Variants in CLEC16A observed in about 807,000 individuals in gnomAD.
The protein encoded by CLEC16A is protein CLEC16A.
Under a neutral mutation model 109.5 loss-of-function variants are expected in CLEC16A, and 51 were observed. The ratio of observed to expected loss-of-function variants is 0.47; its 90% CI spans 0.37 to 0.59. The LOEUF is 0.59. Among genes scored for constraint, CLEC16A ranks in the 20% least tolerant of loss-of-function variants. The pLI is 0.00. For synonymous variants in CLEC16A, 673 were observed against 564.2 expected (o/e 1.19, Z -2.73); for missense variants, 1,339 against 1,394.0 (o/e 0.96, Z 0.63).
intron 22 of CLEC16A, among the ~76,000 whole-genome samples, chr16:11,147,307 G>T (rs1325340588): frequency 6.6e-6 from 1 of 152,296 alleles, no homozygotes; most frequent in Middle Eastern, 3.4e-3. Flanking sequence ...ATGCCCTGCC[G>T]TGGCCCTGAC....
chr16:11,018,389 G>A lies in CLEC16A; in HGVS notation c.1304-1804G>A, dbSNP rs977989138. ...TGAATGATGCACCCCAGTCACACCT[G>A]GCTAGGAGAGACCTGGTGTGAGAGC... On this transcript the variant is annotated intron_variant, in intron 11 of 23. Transcript: ENST00000409790. Among the ~76,000 whole-genome samples, 4 of 152,150 alleles carry A rather than the reference G, an allele frequency of 2.6e-5. No homozygotes were observed. In the South Asian group the frequency reaches 8.3e-4, roughly 32 times the overall value.
At chr16:11,058,948 A>T (rs1336392930) in intron 18 of CLEC16A, among the ~76,000 whole-genome samples, 1 of 152,154 alleles carries the variant, frequency 6.6e-6, no homozygotes, top group Non-Finnish European at 1.5e-5. Context: ...TTGAGAGCTC[A>T]AGCTGCCAAA....
intron 19 of CLEC16A, among the ~76,000 whole-genome samples, chr16:11,113,322 A>G (rs2051729138): frequency 6.6e-6 from 1 of 152,222 alleles, no homozygotes; most frequent in Non-Finnish European, 1.5e-5. Flanking sequence ...TTATTTCTTT[A>G]TTCAATTTTA....
chr16:11,178,406 G>A lies in CLEC16A; in HGVS notation c.2878G>A (p.Ala960Thr), dbSNP rs778101745. 3.1e-6 allele frequency: 5 copies of A among 1,613,722 alleles called. No individual in the cohort carries two copies. In the African/African-American group the frequency reaches 5.3e-5, roughly 17 times the overall value. The change falls in exon 24 of 24, where the codon GCA (alanine) becomes ACA (threonine). Residue 960 changes from alanine to threonine, a missense_variant. Physicochemically the swap from Ala to Thr is moderately conservative, Grantham distance 58. Transcript: ENST00000409790. The surrounding 1 kb of genome is among the most constrained non-coding windows in gnomAD (Gnocchi z 6.5). The part of the protein sequence containing the change: ...DQLVIVNETE[A>T]DSKPSKNVAR... The stretch of plus-strand genomic sequence containing the variant: ...GTTGGTAATCGTCAACGAAACGGAA[G>A]CAGACTCTAAGCCCAGCAAGAACGT...
chr16:11,012,959 G>A (rs921662878), intron 11 of CLEC16A, among the ~76,000 whole-genome samples: 5 of 152,086 alleles, frequency 3.3e-5, no homozygotes, highest in African/African-American at 1.2e-4. Flanking sequence ...ACTTCAGGAC[G>A]CCAGGTGGGA....
At chr16:11,108,366 C>T (rs574575424) in intron 19 of CLEC16A, among the ~76,000 whole-genome samples, 6 of 152,248 alleles carry the variant, frequency 3.9e-5, no homozygotes, top group Admixed American at 2.0e-4. Context: ...GGGGACCTTG[C>T]CAAGGCAGTC....
rs181813798 is a variant in CLEC16A, at chr16:10,965,424, C to G, written c.343+2836C>G. ...AAGTCAAGTTTCTGCAGAATTCAAC[C>G]CTAACGATCCATTGTGCACCAGCCA... On this transcript the variant is annotated intron_variant, in intron 3 of 23. Transcript: ENST00000409790. Among the ~76,000 whole-genome samples, 253 of 152,274 alleles carry G rather than the reference C, an allele frequency of 1.7e-3. 2 individuals carry two copies. The highest frequency in any genetic ancestry group is 5.7e-3 in the African/African-American group (238 of 41,560).
chr16:11,020,026 C>T (rs894726618), intron 11 of CLEC16A, among the ~76,000 whole-genome samples, 167 bp from the exon 12 acceptor site: 1 of 152,318 alleles, frequency 6.6e-6, no homozygotes, highest in South Asian at 2.1e-4. Flanking sequence ...TGGCCTCTGT[C>T]TTATTTCCAC....
At position 11,051,635 on chromosome 16, in the gene CLEC16A, C is replaced by T. The variant is rs1448497856; in HGVS notation, c.1989C>T (p.Thr663=). 1 of 1,613,880 alleles carries T rather than the reference C, an allele frequency of 6.2e-7. No individual in the cohort carries two copies. The highest frequency in any genetic ancestry group is 1.7e-5 in the Admixed American group (1 of 60,030). Residue 663 remains threonine, a synonymous_variant, in exon 18 of 24, where the codon ACC becomes ACT. Transcript: ENST00000409790. ...KRLPCGDVEK[T]RRAIRVFFML... ...TGCCGTGTGGCGATGTGGAGAAGAC[C>T]CGGCGGGTGAGTGAGCACAGGACCT...
chr16:10,948,147 C>A (rs1353857229), intron 1 of CLEC16A, among the ~76,000 whole-genome samples: 1 of 152,208 alleles, frequency 6.6e-6, no homozygotes, highest in Non-Finnish European at 1.5e-5. Context: ...CCCTCCTTGA[C>A]CTCCCAAAGT....
At chr16:11,037,928 A>G (rs1185372390) in intron 13 of CLEC16A, among the ~76,000 whole-genome samples, 2 of 152,146 alleles carry the variant, frequency 1.3e-5, no homozygotes, top group South Asian at 2.1e-4. Context: ...TTGCCATTCA[A>G]TAAGCCAGAA....
At chr16:11,092,395 CACACACAT>C (rs1406037625) in intron 19 of CLEC16A, among the ~76,000 whole-genome samples, 1 of 149,182 alleles carries the variant, frequency 6.7e-6, no homozygotes, top group African/African-American at 2.6e-5. Flanking sequence ...CACACACACA[CACACACAT>C]GCCAGGTGTG....
In CLEC16A at chr16:11,106,452, C is replaced by G. The variant is rs2051226139; in HGVS notation, c.2117-14163C>G. Among the ~76,000 whole-genome samples the G allele has an allele frequency of 2.2e-5, 3 of 135,692 alleles. No homozygotes were observed. The South Asian group carries it at 7.2e-4, about 33-fold the overall frequency. 89.0% of individuals were successfully genotyped at this position (135,692 alleles called of 152,430 possible). A position where few individuals can be genotyped will look rare whatever the true frequency, so the allele number is the denominator to read the frequency against. ...TACAGGTGTGAGCCACCACACCCAG[C>G]CCAATTTTTTTTTTTTTTTTTTTTT... On this transcript the variant is annotated intron_variant, in intron 19 of 23. Transcript: ENST00000409790.
At chr16:10,986,842 T>C (rs1385568918) in intron 10 of CLEC16A, among the ~76,000 whole-genome samples, 1 of 152,016 alleles carries the variant, frequency 6.6e-6, no homozygotes, top group African/African-American at 2.4e-5. Context: ...TTTTGATTTT[T>C]TTTTTGGTGT....
intron 19 of CLEC16A, among the ~76,000 whole-genome samples, chr16:11,115,851 T>C (rs1026354237): frequency 8.6e-5 from 13 of 150,934 alleles, no homozygotes; most frequent in African/African-American, 2.4e-4. Flanking sequence ...TTTATGTTAA[T>C]ATAATATATT....
chr16:10,957,432 C>T (rs1228536579), intron 1 of CLEC16A, among the ~76,000 whole-genome samples: 1 of 152,232 alleles, frequency 6.6e-6, no homozygotes, highest in African/African-American at 2.4e-5. Context: ...GCTACTTGCT[C>T]TTCTCTCAGT....
chr16:11,025,019 G>A (rs528915987), intron 13 of CLEC16A, 98 bp downstream of exon 13: 7 of 890,890 alleles, frequency 7.9e-6, no homozygotes, highest in Non-Finnish European at 1.3e-5. Flanking sequence ...GGTGCTTTCT[G>A]TACAGAATTT....
intron 9 of CLEC16A, among the ~76,000 whole-genome samples, chr16:10,982,344 C>T (rs2043370419): frequency 1.3e-5 from 2 of 152,086 alleles, no homozygotes. Context: ...CCTGACGATG[C>T]TGTGGAATCC....
At chr16:11,140,127 T>G (rs1050816834) in intron 22 of CLEC16A, among the ~76,000 whole-genome samples, 4 of 152,202 alleles carry the variant, frequency 2.6e-5, no homozygotes, top group African/African-American at 9.6e-5. Flanking sequence ...CTCTTCCTGC[T>G]AAGTTGATTT....
Sources: allele counts gnomAD v4.1 joint callset (sites outside exome capture counted in the v4.1 genomes callset), GRCh38; gene constraint gnomAD v4.1.1; non-coding constraint Gnocchi (gnomAD v3.1); transcripts MANE v1.5; gene names NCBI Gene and HGNC (gene_info 2026-07-23, HGNC 2026-07-21).